POU2F3: variants seen among roughly 807,000 people sequenced by gnomAD.
The protein encoded by POU2F3 is POU domain, class 2, transcription factor 3.
Under a neutral mutation model 59.2 loss-of-function variants are expected in POU2F3, and 23 were observed. The ratio of observed to expected loss-of-function variants is 0.39; its 90% CI spans 0.28 to 0.55. The LOEUF (loss-of-function observed/expected upper bound fraction) is 0.55, where lower values mean the gene tolerates loss of function less well. Among genes scored for constraint, POU2F3 ranks in the 20% least tolerant of loss-of-function variants. POU2F3 has a pLI of 0.66. For missense variants in POU2F3, 473 were observed against 544.5 expected (o/e 0.87, Z 1.31); for synonymous variants, 190 against 214.6 (o/e 0.89, Z 1.00).
intron 2 of POU2F3, chr11:120,253,802 T>C (rs889527622): frequency 9.2e-5 from 14 of 152,308 alleles, no homozygotes; most frequent in African/African-American, 2.9e-4. Context: ...AAAGTCTCTT[T>C]CCTGTGGCCT....
chr11:120,245,644 C>T (rs1044715936), intron 1 of POU2F3, among the ~76,000 whole-genome samples: 16 of 152,240 alleles, frequency 1.1e-4, no homozygotes, highest in African/African-American at 3.6e-4. Context: ...AGGGGCCTCC[C>T]ACATAGGTGG....
intron 4 of POU2F3, 91 bp downstream of exon 4, chr11:120,298,481 AC>A: frequency 3.9e-6 from 6 of 1,539,106 alleles, no homozygotes; most frequent in Non-Finnish European, 5.3e-6. Context: ...CGTCTAAAGA[AC>A]CCCCTGCAGG....
chr11:120,237,619 T>C (rs1938534430), upstream of POU2F3, among the ~76,000 whole-genome samples: 1 of 152,238 alleles, frequency 6.6e-6, no homozygotes, highest in Admixed American at 6.5e-5. Context: ...CCAGATAAGG[T>C]GGTCGGAGAA....
chr11:120,272,700 TCCCAGGAAGG>T (rs1940130032), intron 3 of POU2F3, among the ~76,000 whole-genome samples: 1 of 152,058 alleles, frequency 6.6e-6, no homozygotes, highest in South Asian at 2.1e-4. Flanking sequence ...AACTTCCTGG[TCCCAGGAAGG>T]CAGACTGAGT....
rs538581777 is a variant in POU2F3 at position 120,309,531 on chromosome 11, G to A, written c.1013G>A (p.Arg338Gln). ...WFCNRRQKEKRINCPVATPIK... is the reference protein window; with the variant it reads ...WFCNRRQKEKQINCPVATPIK... ...TGCAACCGACGCCAAAAGGAGAAGCGAATCAACTGCCCTGTGGCCACACCC... is the reference window on the plus strand; with the variant it reads ...TGCAACCGACGCCAAAAGGAGAAGCAAATCAACTGCCCTGTGGCCACACCC... The change falls in exon 10 of 13, where the codon CGA becomes CAA. Residue 338 changes from arginine to glutamine, a missense_variant. Transcript: ENST00000543440. 9.3e-6 allele frequency: 15 copies of A among 1,614,112 alleles called. No individual in the cohort carries two copies. Among genetic ancestry groups the A allele is most frequent in the East Asian group, 2.2e-5 (1 of 44,870 alleles).
intron 1 of POU2F3, among the ~76,000 whole-genome samples, chr11:120,241,406 C>T (rs1938657881): frequency 6.6e-6 from 1 of 152,168 alleles, no homozygotes; most frequent in African/African-American, 2.4e-5. Context: ...AAACAAGCGT[C>T]AGTGAGTGCC....
At position 120,289,889 on chromosome 11, in the gene POU2F3, G is replaced by T. The variant is rs1268654232; in HGVS notation, c.133-8376G>T. Among the ~76,000 whole-genome samples the T allele has an allele frequency of 2.6e-5, 4 of 152,178 alleles. No homozygotes were observed. In the East Asian group the frequency reaches 7.7e-4, roughly 29 times the overall value. Reference sequence around the variant, plus strand: ...GAATGTTAGAAGTACTGCTCTGTAGGAGATGACTCTGACTTGCACAGCCTC... The same window carrying T: ...GAATGTTAGAAGTACTGCTCTGTAGTAGATGACTCTGACTTGCACAGCCTC... On this transcript the variant is annotated intron_variant, in intron 3 of 12. Coordinates refer to ENST00000543440, the MANE Select transcript of POU2F3 (RefSeq NM_014352.4).
intron 2 of POU2F3, among the ~76,000 whole-genome samples, chr11:120,263,500 A>T (rs1939692602): frequency 6.6e-6 from 1 of 152,206 alleles, no homozygotes; most frequent in Non-Finnish European, 1.5e-5. Context: ...TCTGCTTCGA[A>T]TCACTTCCAG....
In POU2F3 at chr11:120,240,308, T is replaced by G; in HGVS notation, c.-36T>G. Reference sequence around the variant, plus strand: ...CCGGCTGGGGCAGAGGCGAGGGGCCTGGGGGGGCGCTGGCTTTGGCCCCGC... The same window carrying G: ...CCGGCTGGGGCAGAGGCGAGGGGCCGGGGGGGGCGCTGGCTTTGGCCCCGC... On this transcript the variant is annotated 5_prime_UTR_variant, in exon 1 of 13. Coordinates refer to ENST00000543440, the MANE Select transcript of POU2F3 (RefSeq NM_014352.4). 4 of 1,355,728 alleles carry G rather than the reference T, an allele frequency of 3.0e-6. No homozygotes were observed. The South Asian group carries it at 8.8e-5, about 30-fold the overall frequency. 84.0% of individuals were successfully genotyped at this position (1,355,728 alleles called of 1,614,324 possible).
chr11:120,239,027 GGGTGTTATCGTGGGCATGACT>G (rs1260539208), upstream of POU2F3, among the ~76,000 whole-genome samples: 1 of 152,148 alleles, frequency 6.6e-6, no homozygotes, highest in Non-Finnish European at 1.5e-5. Context: ...ACGAAATGCT[GGGTGTTATCGTGGGCATGACT>G]GGAGTGCACG....
intron 1 of POU2F3, among the ~76,000 whole-genome samples, chr11:120,243,670 G>A (rs1938760437): frequency 6.6e-6 from 1 of 152,206 alleles, no homozygotes; most frequent in Non-Finnish European, 1.5e-5. Context: ...GTCTCAGGGA[G>A]TTTCGGTGTT....
At chr11:120,284,885 C>T (rs1015509487) in intron 3 of POU2F3, among the ~76,000 whole-genome samples, 6 of 152,218 alleles carry the variant, frequency 3.9e-5, no homozygotes, top group African/African-American at 1.4e-4. Flanking sequence ...CCCCGCTGCT[C>T]TGACACAAGG....
intron 2 of POU2F3, among the ~76,000 whole-genome samples, chr11:120,257,497 G>C (rs1034233792): frequency 3.3e-5 from 5 of 151,852 alleles, no homozygotes; most frequent in Non-Finnish European, 5.9e-5. Flanking sequence ...CCTGGCCTGG[G>C]GTCCCGCGGC....
chr11:120,274,108 A>AAAGGAAGGAAGGAAGG (rs58202053), intron 3 of POU2F3, among the ~76,000 whole-genome samples: 2,461 of 116,126 alleles, frequency 0.021, 55 homozygotes, highest in Non-Finnish European at 0.027. Flanking sequence ...AGGAAGGAAG[A>AAAGGAAGGAAGGAAGG]AAGGAAGGAA....
intron 1 of POU2F3, among the ~76,000 whole-genome samples, chr11:120,243,512 C>T (rs550487813): frequency 7.2e-5 from 11 of 152,290 alleles, no homozygotes; most frequent in African/African-American, 2.2e-4. Context: ...GGCTCTTTCA[C>T]AGAGCAGCTG....
chr11:120,287,570 C>T (rs1472710408), intron 3 of POU2F3, among the ~76,000 whole-genome samples: 1 of 152,204 alleles, frequency 6.6e-6, no homozygotes, highest in Non-Finnish European at 1.5e-5. Context: ...AACTCAGATA[C>T]ACTGGTAGAG....
Position 120,264,773 on chromosome 11 carries a change from A to ACT in POU2F3, c.98-4437_98-4436insCT, listed in dbSNP as rs147557923. Among the ~76,000 whole-genome samples the ACT allele has an allele frequency of 2.1e-3, 319 of 152,296 alleles. 3 individuals are homozygous for ACT. The highest frequency in any genetic ancestry group is 7.4e-3 in the African/African-American group (309 of 41,570). ...TTGGTGGTGATGGAGCTCAGGCTCG[A>ACT]ACCTCAGTCCTCTGACTTCCAGTCC... On this transcript the variant is annotated intron_variant, in intron 2 of 12. Coordinates refer to ENST00000543440, the MANE Select transcript of POU2F3 (RefSeq NM_014352.4).
intron 3 of POU2F3, among the ~76,000 whole-genome samples, chr11:120,273,738 A>G (rs1940179448): frequency 6.6e-6 from 1 of 152,198 alleles, no homozygotes; most frequent in Admixed American, 6.5e-5. Context: ...CACACAGGCC[A>G]GGCGCAGTGG....
At chr11:120,246,969 A>G (rs1938903603) in intron 2 of POU2F3, among the ~76,000 whole-genome samples, 1 of 152,166 alleles carries the variant, frequency 6.6e-6, no homozygotes, top group Non-Finnish European at 1.5e-5. Context: ...AGGCTCAGAG[A>G]GAAAGGCTTG....
Sources: allele counts gnomAD v4.1 joint callset (sites outside exome capture counted in the v4.1 genomes callset), GRCh38; gene constraint gnomAD v4.1.1; transcripts MANE v1.5; gene names NCBI Gene and HGNC (gene_info 2026-07-23, HGNC 2026-07-21).